DYNLT3: variants seen among roughly 807,000 people sequenced by gnomAD.
The protein encoded by DYNLT3 is dynein light chain Tctex-type 3.
DYNLT3 carries 4 observed loss-of-function variants against 11.0 expected under a neutral mutation model. The ratio of observed to expected loss-of-function variants is 0.36; its 90% CI spans 0.18 to 0.83. DYNLT3 has a LOEUF of 0.83. Among genes scored for constraint, DYNLT3 ranks in the 40% least tolerant of loss-of-function variants. The pLI, the probability that DYNLT3 is intolerant of heterozygous loss-of-function variation, is 0.47. For synonymous variants in DYNLT3, 37 were observed against 31.2 expected (o/e 1.18, Z -0.61); for missense variants, 91 against 91.1 (o/e 1.00, Z 0.01).
intron 2 of DYNLT3, among the ~76,000 whole-genome samples, chrX:37,842,694 T>C (rs2146834889): frequency 8.9e-6 from 1 of 111,779 alleles, no homozygotes; most frequent in Admixed American, 9.5e-5. Flanking sequence ...AAATCCCTAT[T>C]TTCCTAATCC....
chrX:37,841,279 C>G (rs749700532), intron 3 of DYNLT3, among the ~76,000 whole-genome samples, 174 bp from the exon 4 acceptor site: 1 of 112,139 alleles, frequency 8.9e-6, no homozygotes, highest in Non-Finnish European at 1.9e-5. Context: ...ATAAAAGACT[C>G]TCATCTTTAT....
rs760608366 is a variant in DYNLT3, at chrX:37,840,564, T to C, written c.*11A>G. 7.6e-6 allele frequency: 9 copies of C among 1,183,970 alleles called. No individual in the cohort carries two copies. The East Asian group carries it at 1.5e-4, about 20-fold the overall frequency. On this transcript the variant is annotated 3_prime_UTR_variant, in exon 5 of 5. Transcript: ENST00000378578. ...TTAAGTTAATGGCTTTAGCCCAACA[T>C]TTTTAGTCAGTTAAAGAACAATAGC...
chrX:37,847,385 T>C, intron 1 of DYNLT3, 96 bp downstream of exon 1: 1 of 988,057 alleles, frequency 1.0e-6, no homozygotes. Flanking sequence ...GCACCCCAAC[T>C]CTTGGGACCG....
chrX:37,843,990 T>G (rs902935996), intron 2 of DYNLT3, among the ~76,000 whole-genome samples: 2 of 111,992 alleles, frequency 1.8e-5, no homozygotes, highest in Non-Finnish European at 3.8e-5. Flanking sequence ...GCAAGTAACC[T>G]GTAGCAAAGC....
intron 1 of DYNLT3, 134 bp downstream of exon 1, chrX:37,847,347 G>A (rs1217205222): frequency 1.3e-5 from 12 of 919,439 alleles, no homozygotes; most frequent in Non-Finnish European, 1.7e-5. Flanking sequence ...CCGGGCCCAG[G>A]GGAGAGGACC....
At chrX:37,840,945 A>G (rs1930142584) in intron 4 of DYNLT3, 83 bp downstream of exon 4, 2 of 976,975 alleles carry the variant, frequency 2.0e-6, no homozygotes, top group African/African-American at 3.8e-5. Context: ...ATTTAATCAG[A>G]ATTAAATAAG....
intron 3 of DYNLT3, 111 bp from the exon 4 acceptor site, chrX:37,841,216 C>G: frequency 1.8e-6 from 1 of 568,923 alleles, no homozygotes; most frequent in Non-Finnish European, 2.7e-6. Flanking sequence ...AAAAAACAAA[C>G]AAACAAACAA....
At chrX:37,842,296 C>T (rs1466926583) in intron 2 of DYNLT3, among the ~76,000 whole-genome samples, 1 of 111,755 alleles carries the variant, frequency 8.9e-6, no homozygotes, top group Non-Finnish European at 1.9e-5. Context: ...AATTGGTTAA[C>T]AAGTAGCTTT....
chrX:37,841,867 G>A lies in DYNLT3; in HGVS notation c.111C>T (p.His37=), dbSNP rs764059172. The A allele has an allele frequency of 2.6e-6, 3 of 1,157,805 alleles. No homozygotes were observed. The highest frequency in any genetic ancestry group is 3.5e-6 in the Non-Finnish European group (3 of 858,677). The change falls in exon 3 of 5, where the codon CAC becomes CAT. Residue 37 remains histidine (H), a synonymous_variant. Coordinates refer to ENST00000378578, the MANE Select transcript of DYNLT3 (RefSeq NM_006520.3). ...TTGCAGTCCACTGGTTGATGTTGTT[G>A]TGATTATAATCTTCACCACCTAAAA... ...DGVLGGEDYN[H]NNINQWTASI...
In DYNLT3 at chrX:37,839,943, T is replaced by C. The variant is rs994897792; in HGVS notation, c.*632A>G. The C allele has an allele frequency of 8.9e-5, 10 of 112,224 alleles. No individual in the cohort carries two copies. The highest frequency in any genetic ancestry group is 3.2e-4 in the African/African-American group (10 of 30,890). 9.2% of individuals were successfully genotyped at this position (112,224 alleles called of 1,213,427 possible). A position where few individuals can be genotyped will look rare whatever the true frequency, so the allele number is the denominator to read the frequency against. On this transcript the variant is annotated 3_prime_UTR_variant, in exon 5 of 5. Transcript: ENST00000378578. ...AATTTTATTTAACTAGGAAATTCAG[T>C]TTACCAGATTTAATTTACCCTCAAG... is the stretch of plus-strand genomic sequence containing the variant.
In DYNLT3 at chrX:37,841,892, A is replaced by G; in HGVS notation, c.86T>C (p.Val29Ala). ...HNIVKECVDG[V>A]LGGEDYNHNN... ...GTGATTATAATCTTCACCACCTAAA[A>G]CCCCATCTACACACTAAAAGGGCAC... Residue 29 changes from valine to alanine, a missense_variant, in exon 3 of 5, where the codon GTT becomes GCT. Physicochemically the swap from Val to Ala is moderately conservative, Grantham distance 64. Coordinates refer to ENST00000378578, the MANE Select transcript of DYNLT3 (RefSeq NM_006520.3). 1 of 1,126,987 alleles carries G rather than the reference A, an allele frequency of 8.9e-7. No homozygotes were observed. 92.9% of individuals were successfully genotyped at this position (1,126,987 alleles called of 1,213,427 possible).
In DYNLT3 at chrX:37,839,842, A is replaced by T. The variant is rs1042617239; in HGVS notation, c.*733T>A. 3.6e-5 allele frequency: 4 copies of T among 112,493 alleles called. No homozygotes were observed. The highest frequency in any genetic ancestry group is 1.3e-4 in the African/African-American group (4 of 30,914). 9.3% of individuals were successfully genotyped at this position (112,493 alleles called of 1,213,427 possible). On this transcript the variant is annotated 3_prime_UTR_variant, in exon 5 of 5. Transcript: ENST00000378578. ...TATGCCCATAATAGGCATCTGATAA[A>T]TGTTTGTTCCACATGGAATGAGTGA...
At chrX:37,840,700 A>T (rs1382764835) in intron 4 of DYNLT3, 49 bp from the exon 5 acceptor site, 1 of 881,922 alleles carries the variant, frequency 1.1e-6, no homozygotes, top group Admixed American at 2.8e-5. Flanking sequence ...CATAAAAATT[A>T]TCAGAGAATA....
intron 2 of DYNLT3, among the ~76,000 whole-genome samples, chrX:37,844,098 TCA>T (rs1475031559): frequency 8.9e-6 from 1 of 112,191 alleles, no homozygotes; most frequent in East Asian, 2.8e-4. Flanking sequence ...AAAAATGTTT[TCA>T]GTTATATTAT....
At chrX:37,843,843 A>G (rs1195998306) in intron 2 of DYNLT3, among the ~76,000 whole-genome samples, 3 of 111,701 alleles carry the variant, frequency 2.7e-5, no homozygotes, top group Non-Finnish European at 5.6e-5. Context: ...TAACTGCTGA[A>G]ATTATGTAAT....
intron 2 of DYNLT3, among the ~76,000 whole-genome samples, chrX:37,843,092 T>C (rs1930203116): frequency 8.9e-6 from 1 of 112,424 alleles, no homozygotes. Context: ...TCACTAATGA[T>C]AAAATATGAA....
chrX:37,841,004 G>A (rs766214123), intron 4 of DYNLT3, 24 bp downstream of exon 4: 1 of 1,204,927 alleles, frequency 8.3e-7, no homozygotes, highest in East Asian at 3.0e-5. Flanking sequence ...TGGATTTTGT[G>A]TAAATCAGCT....
intron 3 of DYNLT3, among the ~76,000 whole-genome samples, chrX:37,841,543 G>A (rs1443204539): frequency 9.0e-6 from 1 of 111,675 alleles, no homozygotes; most frequent in South Asian, 3.8e-4. Flanking sequence ...AGAAAGAACT[G>A]ATGGAAATGC....
At chrX:37,847,434 A>G (rs772812431) in intron 1 of DYNLT3, 47 bp downstream of exon 1, 1 of 1,004,412 alleles carries the variant, frequency 1.0e-6, no homozygotes, top group South Asian at 3.9e-5. Flanking sequence ...CCCCGCGCAG[A>G]GGAAGGCGGG....
Sources: gnomAD v4.1 joint callset for allele counts (sites outside exome capture counted in the v4.1 genomes callset) on GRCh38, gnomAD v4.1.1 for gene constraint, MANE v1.5 for transcripts, NCBI Gene and HGNC (gene_info 2026-07-23, HGNC 2026-07-21) for gene names.